Variants in RTN1 observed in about 807,000 individuals in gnomAD.
RTN1 encodes the protein reticulon-1.
RTN1 carries 25 observed loss-of-function variants against 65.5 expected under a neutral mutation model. The ratio of observed to expected loss-of-function variants is 0.38; its 90% CI spans 0.28 to 0.53. RTN1 has a LOEUF of 0.53. Ranked by LOEUF, RTN1 falls within the 20% of genes least tolerant of loss-of-function variation. RTN1 has a pLI of 0.79. For synonymous variants in RTN1, 471 were observed against 447.6 expected (o/e 1.05, Z -0.66); for missense variants, 983 against 1,025.4 (o/e 0.96, Z 0.57).
At chr14:59,618,828 T>C (rs1442439081) in intron 3 of RTN1, among the ~76,000 whole-genome samples, 1 of 152,204 alleles carries the variant, frequency 6.6e-6, no homozygotes, top group African/African-American at 2.4e-5. Context: ...TTTCTTTGAG[T>C]GAAAAGTCAT....
In RTN1 at chr14:59,646,779, G is replaced by C. The variant is rs532364340; in HGVS notation, c.1766-39287C>G. ...TTACCACCAGATCTGCTTTACAAGA[G>C]ATCTTGAACGAAGCACTAAATATGG... On this transcript the variant is annotated intron_variant, in intron 3 of 8. Transcript: ENST00000267484. Among the ~76,000 whole-genome samples, 4 of 152,022 alleles carry C rather than the reference G, an allele frequency of 2.6e-5. No individual in the cohort carries two copies. The South Asian group carries it at 8.3e-4, about 32-fold the overall frequency.
At chr14:59,631,169 A>T (rs985057256) in intron 3 of RTN1, among the ~76,000 whole-genome samples, 2 of 152,174 alleles carry the variant, frequency 1.3e-5, no homozygotes, top group Non-Finnish European at 2.9e-5. Flanking sequence ...TTCCACAGAT[A>T]TCCAAAACCT....
chr14:59,745,932 A>G lies in RTN1; in HGVS notation c.791T>C (p.Ile264Thr). 6.2e-7 allele frequency: 1 copy of G among 1,614,124 alleles called. No individual in the cohort carries two copies. Among genetic ancestry groups the G allele is most frequent in the Non-Finnish European group, 8.5e-7 (1 of 1,180,024 alleles). ...LLEESTFAPY[I>T]DDLSEEQRRA... Reference sequence around the variant, plus strand: ...GCGCTGTTCTTCAGAGAGATCATCTATGTATGGAGCAAATGTGGATTCTTC... The same window carrying G: ...GCGCTGTTCTTCAGAGAGATCATCTGTGTATGGAGCAAATGTGGATTCTTC... Residue 264 changes from isoleucine to threonine, a missense_variant, in exon 2 of 9, where the codon ATA (isoleucine) becomes ACA (threonine). By Grantham distance (89) the Ile-to-Thr change is moderately conservative. Coordinates refer to ENST00000267484, the MANE Select transcript of RTN1 (RefSeq NM_021136.3).
chr14:59,850,910 T>C (rs1189781251), intron 1 of RTN1, among the ~76,000 whole-genome samples: 1 of 152,224 alleles, frequency 6.6e-6, no homozygotes, highest in African/African-American at 2.4e-5. Context: ...ATCACTGTTT[T>C]TACAATTTTA....
chr14:59,836,185 T>C lies in RTN1; in HGVS notation c.241+34205A>G, dbSNP rs540119283. Among the ~76,000 whole-genome samples the C allele has an allele frequency of 1.3e-5, 2 of 152,336 alleles. No individual in the cohort carries two copies. The highest frequency in any genetic ancestry group is 1.9e-4 in the East Asian group (1 of 5,190). On this transcript the variant is annotated intron_variant, in intron 1 of 8. Coordinates refer to ENST00000267484, the MANE Select transcript of RTN1 (RefSeq NM_021136.3). The surrounding 1 kb of genome is among the most constrained non-coding windows in gnomAD (Gnocchi z 4.9). ...CCTAAACTTAAGCACATCTTCAAAG[T>C]CCCTTTGCCAGATAAGGTAACATAT... is the stretch of plus-strand genomic sequence containing the variant.
At position 59,803,861 on chromosome 14, in the gene RTN1, T is replaced by C. The variant is rs1305753701; in HGVS notation, c.242-57380A>G. 6.6e-6 allele frequency among the ~76,000 whole-genome samples: 1 copy of C among 152,170 alleles called. No homozygotes were observed. Among genetic ancestry groups the C allele is most frequent in the African/African-American group, 2.4e-5 (1 of 41,434 alleles). ...CCTATACTTAATTGTCTAAATGTGA[T>C]TTAGGGTTTTATTTATTTATTTATG... is the stretch of plus-strand genomic sequence containing the variant. On this transcript the variant is annotated intron_variant, in intron 1 of 8. Transcript: ENST00000267484. The surrounding 1 kb of genome is among the most constrained non-coding windows in gnomAD (Gnocchi z 5.6).
At chr14:59,718,641 G>A (rs1037036982) in intron 3 of RTN1, among the ~76,000 whole-genome samples, 6 of 152,086 alleles carry the variant, frequency 3.9e-5, no homozygotes, top group Non-Finnish European at 7.4e-5. Context: ...GCTTGGCCAG[G>A]AAAATATGCT....
chr14:59,641,709 A>G (rs1332973014), intron 3 of RTN1, among the ~76,000 whole-genome samples: 1 of 152,200 alleles, frequency 6.6e-6, no homozygotes, highest in Non-Finnish European at 1.5e-5. Flanking sequence ...AGAAATTACA[A>G]TGTTCATCCT....
At chr14:59,856,790 G>A (rs868257216) in intron 1 of RTN1, among the ~76,000 whole-genome samples, 1 of 152,242 alleles carries the variant, frequency 6.6e-6, no homozygotes, top group East Asian at 1.9e-4. Flanking sequence ...CATTCTCTAT[G>A]GCATCTGACG....
intron 1 of RTN1, among the ~76,000 whole-genome samples, chr14:59,788,894 T>C (rs1382858791): frequency 6.6e-6 from 1 of 152,282 alleles, no homozygotes; most frequent in South Asian, 2.1e-4. Context: ...TGGTATTTAT[T>C]TAGAGGTCAA....
intron 3 of RTN1, among the ~76,000 whole-genome samples, chr14:59,709,789 T>C (rs1884376385): frequency 6.6e-6 from 1 of 152,160 alleles, no homozygotes. Context: ...TGAAGCATTT[T>C]ATGTAAGAGG....
At chr14:59,669,333 T>C (rs1261253183) in intron 3 of RTN1, among the ~76,000 whole-genome samples, 3 of 152,142 alleles carry the variant, frequency 2.0e-5, no homozygotes, top group Non-Finnish European at 2.9e-5. Context: ...GAAATCATCA[T>C]TCTCTTCAAA....
chr14:59,663,546 A>G (rs544193654), intron 3 of RTN1, among the ~76,000 whole-genome samples: 13 of 152,308 alleles, frequency 8.5e-5, no homozygotes, highest in African/African-American at 3.1e-4. Flanking sequence ...TGAACAGGCA[A>G]TCTACAGAAT....
chr14:59,701,032 C>T (rs1023056451), intron 3 of RTN1, among the ~76,000 whole-genome samples: 3 of 151,938 alleles, frequency 2.0e-5, no homozygotes, highest in Admixed American at 6.6e-5. Flanking sequence ...AAAGAAAATC[C>T]GCCTAATGTA....
intron 3 of RTN1, among the ~76,000 whole-genome samples, chr14:59,697,316 A>T (rs990964524): frequency 1.3e-5 from 2 of 152,114 alleles, no homozygotes; most frequent in Non-Finnish European, 2.9e-5. Context: ...TTATTTCTGG[A>T]TGTCTTTCTC....
intron 2 of RTN1, among the ~76,000 whole-genome samples, chr14:59,743,105 G>A (rs1885145630): frequency 6.6e-6 from 1 of 152,188 alleles, no homozygotes. Flanking sequence ...TTTGATTGCA[G>A]CTGCAGAGAC....
intron 1 of RTN1, among the ~76,000 whole-genome samples, chr14:59,817,071 T>C (rs1453493519): frequency 1.3e-5 from 2 of 151,966 alleles, no homozygotes; most frequent in East Asian, 3.9e-4. Context: ...AAAAAACACT[T>C]AATGCAGCTT....
chr14:59,705,082 G>A (rs562634636), intron 3 of RTN1, among the ~76,000 whole-genome samples: 17 of 152,092 alleles, frequency 1.1e-4, no homozygotes, highest in Admixed American at 2.6e-4. Flanking sequence ...GCACCTTATC[G>A]AAAGCACTTT....
chr14:59,605,633 G>T, intron 4 of RTN1, 127 bp from the exon 5 acceptor site: 2 of 942,362 alleles, frequency 2.1e-6, no homozygotes, highest in Non-Finnish European at 3.2e-6. Flanking sequence ...ATCTCTGGGG[G>T]GTTATGCCAG....
Sources: allele counts gnomAD v4.1 joint callset (sites outside exome capture counted in the v4.1 genomes callset), GRCh38; gene constraint gnomAD v4.1.1; non-coding constraint Gnocchi (gnomAD v3.1); transcripts MANE v1.5; gene names NCBI Gene and HGNC (gene_info 2026-07-23, HGNC 2026-07-21).